The following ACP3 variants were observed in gnomAD, a reference collection of about 807,000 sequenced individuals.
ACP3 encodes the protein prostatic acid phosphatase.
A neutral mutation model predicts 45.6 loss-of-function variants in ACP3; 38 were observed. That is an observed-to-expected ratio of 0.83 (90% CI 0.64 to 1.09). ACP3 has a LOEUF of 1.09. Among genes scored for constraint, ACP3 ranks in the 50% least tolerant of loss-of-function variants. ACP3 has a pLI of 0.00. For missense variants in ACP3, 466 were observed against 463.2 expected, an observed-to-expected ratio of 1.01 and a Z score of -0.05; for synonymous variants, 162 against 164.7, an observed-to-expected ratio of 0.98 and a Z score of 0.13.
Position 132,347,225 on chromosome 3 carries a change from T to C in ACP3, c.781+2166T>C, listed in dbSNP as rs1407140134. On this transcript the variant is annotated intron_variant, in intron 7 of 9. Coordinates refer to ENST00000336375, the MANE Select transcript of ACP3 (RefSeq NM_001099.5). The stretch of plus-strand genomic sequence containing the variant: ...GCTTTCTGGAAAAAGTCCAGCGCCA[T>C]TGTTAAGCAGGAAAATTTCTCCTGT... Among the ~76,000 whole-genome samples the C allele has an allele frequency of 2.6e-5, 4 of 152,200 alleles. No individual in the cohort carries two copies. In the South Asian group the frequency reaches 8.3e-4, roughly 32 times the overall value.
intron 10 of ACP3, among the ~76,000 whole-genome samples, chr3:132,363,879 G>C (rs968792358): frequency 3.9e-5 from 6 of 152,186 alleles, no homozygotes; most frequent in Non-Finnish European, 8.8e-5. Context: ...GGAGGTTGCA[G>C]TGAACCGAGA....
intron 4 of ACP3, among the ~76,000 whole-genome samples, chr3:132,335,416 A>G (rs1477815602): frequency 6.6e-6 from 1 of 152,140 alleles, no homozygotes; most frequent in Non-Finnish European, 1.5e-5. Context: ...GACACACAGA[A>G]TCAGAAATGA....
At chr3:132,325,259 G>T (rs1028012336) in intron 1 of ACP3, among the ~76,000 whole-genome samples, 2 of 152,170 alleles carry the variant, frequency 1.3e-5, no homozygotes, top group African/African-American at 4.8e-5. Context: ...AGTGGAGAAT[G>T]GTTTATTAAG....
Position 132,332,321 on chromosome 3 carries a change from A to G in ACP3, c.433A>G (p.Thr145Ala). The change falls in exon 4 of 10, where the codon ACA (threonine) becomes GCA (alanine). Residue 145 changes from threonine (T) to alanine (A), a missense_variant. Coordinates refer to ENST00000336375, the MANE Select transcript of ACP3 (RefSeq NM_001099.5). Reference protein sequence around the residue: ...ILLWQPIPVHTVPLSEDQLLY... With the variant: ...ILLWQPIPVHAVPLSEDQLLY... ...ACTCTGGCAGCCCATCCCGGTGCAC[A>G]CAGTTCCTCTTTCTGAAGATCAGGT... 1 of 1,614,126 alleles carries G rather than the reference A, an allele frequency of 6.2e-7. No individual in the cohort carries two copies. Among genetic ancestry groups the G allele is most frequent in the Non-Finnish European group, 8.5e-7 (1 of 1,180,004 alleles).
intron 7 of ACP3, among the ~76,000 whole-genome samples, chr3:132,345,553 A>C (rs1326258449): frequency 6.6e-6 from 1 of 152,234 alleles, no homozygotes; most frequent in Non-Finnish European, 1.5e-5. Flanking sequence ...AAAGCCGATA[A>C]AATATATTTT....
intron 1 of ACP3, among the ~76,000 whole-genome samples, chr3:132,324,122 G>A (rs1937254519): frequency 6.6e-6 from 1 of 150,800 alleles, no homozygotes. Flanking sequence ...GGAGGGTGAG[G>A]CAGGAAAATC....
chr3:132,362,603 G>C (rs765261344), downstream of ACP3, among the ~76,000 whole-genome samples: 2 of 152,186 alleles, frequency 1.3e-5, no homozygotes, highest in Non-Finnish European at 2.9e-5. Context: ...GCGATGAAGG[G>C]CATAAGGAGA....
At chr3:132,350,464 A>G (rs17242071) in intron 8 of ACP3, among the ~76,000 whole-genome samples, 18,960 of 152,296 alleles carry the variant, frequency 0.12, 1,404 homozygotes, top group Non-Finnish European at 0.18. Context: ...AGTGGATGTT[A>G]ACTGTGCTGC....
chr3:132,358,071 AT>A lies in ACP3; in HGVS notation c.*1194del, dbSNP rs1381172610. The A allele has an allele frequency of 5.6e-3, 865 of 155,424 alleles. 13 individuals are homozygous for A. Among genetic ancestry groups the A allele is most frequent in the African/African-American group, 0.018 (737 of 41,196 alleles). The allele number at this position is 155,424 out of a possible 1,614,324, so 9.6% of individuals were successfully genotyped here. On this transcript the variant is annotated 3_prime_UTR_variant, in exon 10 of 10. Coordinates refer to ENST00000336375, the MANE Select transcript of ACP3 (RefSeq NM_001099.5). The stretch of plus-strand genomic sequence containing the variant: ...AATAAATAAATAAATAAATAAATAA[AT>A]AAATAAAAACAAAGTTGATTAAGAA...
chr3:132,367,567 A>G lies in ACP3; in HGVS notation c.1139-137A>G, dbSNP rs1384556898. The stretch of plus-strand genomic sequence containing the variant: ...TAGTCCTGTGCTCTTCTTAGCACAC[A>G]CATAATGCTGATTTCAAGGCCTCTT... On this transcript the variant is annotated intron_variant, in intron 10 of 10. Coordinates refer to the ACP3 transcript ENST00000351273. The G allele has an allele frequency of 1.3e-5, 9 of 674,064 alleles. No individual in the cohort carries two copies. In the Admixed American group the frequency reaches 1.5e-4, roughly 11 times the overall value. 41.8% of individuals were successfully genotyped at this position (674,064 alleles called of 1,614,324 possible). A position where few individuals can be genotyped will look rare whatever the true frequency, so the allele number is the denominator to read the frequency against.
At chr3:132,340,409 G>A (rs376561877) in intron 5 of ACP3, among the ~76,000 whole-genome samples, 3 of 151,196 alleles carry the variant, frequency 2.0e-5, no homozygotes, top group South Asian at 2.1e-4. Flanking sequence ...ACTGCTTACC[G>A]TGTTCTTGCC....
chr3:132,360,702 C>T (rs1321774109), downstream of ACP3, among the ~76,000 whole-genome samples: 2 of 152,114 alleles, frequency 1.3e-5, no homozygotes, highest in Non-Finnish European at 2.9e-5. Flanking sequence ...TCTCAATGTC[C>T]AACTCTAATT....
rs1160368130 is a variant in ACP3, at chr3:132,356,669, C to G, written c.969-17C>G. ...CACAGAACTAACAGAGCTCTCTCCT[C>G]TGCCTTTGTCTGCCAGGGAGTACTT... On this transcript the variant is annotated splice_polypyrimidine_tract_variant and intron_variant, in intron 9 of 9. Transcript: ENST00000336375. 3.1e-6 allele frequency: 5 copies of G among 1,613,500 alleles called. No individual in the cohort carries two copies. Among genetic ancestry groups the G allele is most frequent in the Middle Eastern group, 1.8e-4 (1 of 5,562 alleles).
chr3:132,346,807 A>G (rs2793145), intron 7 of ACP3, among the ~76,000 whole-genome samples: 150,920 of 152,286 alleles, frequency 0.99, 74,819 homozygotes, highest in Middle Eastern at 1. Context: ...AGTCCCTCAC[A>G]ACTCAAAGTG....
chr3:132,367,681 A>T (rs752452316), intron 10 of ACP3: 3 of 1,532,036 alleles, frequency 2.0e-6, no homozygotes, highest in Non-Finnish European at 2.7e-6. Context: ...TTTTACATTA[A>T]TACTTTTCCT....
intron 7 of ACP3, among the ~76,000 whole-genome samples, chr3:132,349,472 T>C (rs3749268): frequency 0.48 from 72,486 of 151,946 alleles, 18,063 homozygotes; most frequent in Middle Eastern, 0.66. Context: ...GGGGTGAAAA[T>C]AGAGGAGTAC....
intron 4 of ACP3, among the ~76,000 whole-genome samples, chr3:132,334,888 T>C (rs1559832788): frequency 6.6e-6 from 1 of 152,200 alleles, no homozygotes; most frequent in African/African-American, 2.4e-5. Context: ...GTAACCTCCG[T>C]AAACCTCAGT....
Position 132,331,651 on chromosome 3 carries a change from G to A in ACP3, c.221G>A (p.Gly74Asp). The change falls in exon 3 of 10, where the codon GGC becomes GAC. Residue 74 changes from glycine (G) to aspartate (D), a missense_variant. By Grantham distance (94) the Gly-to-Asp change is moderately conservative. Transcript: ENST00000336375. ...GCTTTTATTTTTTTCCCATAGCTGGGCATGGAGCAGCATTATGAACTTGGA... is the reference window on the plus strand; with the variant it reads ...GCTTTTATTTTTTTCCCATAGCTGGACATGGAGCAGCATTATGAACTTGGA... ...PQGFGQLTQL[G>D]MEQHYELGEY... The A allele has an allele frequency of 1.3e-6, 2 of 1,591,616 alleles. No homozygotes were observed. The highest frequency in any genetic ancestry group is 1.8e-5 in the Admixed American group (1 of 54,150).
intron 9 of ACP3, among the ~76,000 whole-genome samples, chr3:132,356,030 A>T (rs934381342): frequency 6.6e-6 from 1 of 152,204 alleles, no homozygotes; most frequent in Non-Finnish European, 1.5e-5. Flanking sequence ...AGGTTAGTTT[A>T]CACCATTGGA....
Sources: gnomAD v4.1 joint callset for allele counts (sites outside exome capture counted in the v4.1 genomes callset) on GRCh38, gnomAD v4.1.1 for gene constraint, MANE v1.5 for transcripts, NCBI Gene and HGNC (gene_info 2026-07-23, HGNC 2026-07-21) for gene names.